Variants in CRYBG1 observed in about 807,000 individuals in gnomAD.
The protein encoded by CRYBG1 is crystallin beta-gamma domain containing 1.
A neutral mutation model predicts 189.2 loss-of-function variants in CRYBG1; 139 were observed. That is an observed-to-expected ratio of 0.73 (90% CI 0.64 to 0.85). CRYBG1 has a LOEUF of 0.85. Ranked by LOEUF, CRYBG1 falls within the 40% of genes least tolerant of loss-of-function variation. The pLI is 0.00. For synonymous variants in CRYBG1, 1,023 were observed against 1,017.1 expected (o/e 1.01, Z -0.11); for missense variants, 2,611 against 2,675.8 (o/e 0.98, Z 0.53).
In CRYBG1 at chr6:106,433,091, G is replaced by A. The variant is rs1338636867; in HGVS notation, c.174-18603G>A. Among the ~76,000 whole-genome samples the A allele has an allele frequency of 3.9e-5, 6 of 151,922 alleles. No homozygotes were observed. In the East Asian group the frequency reaches 9.7e-4, roughly 24 times the overall value. On this transcript the variant is annotated intron_variant, in intron 1 of 21. Transcript: ENST00000633556. ...CCTGACCTCATGATCCACCCTCCTC[G>A]GCCTCCCAAAGTGCTGGGATTACAG...
chr6:106,363,648 G>A (rs1422279567), intron 1 of CRYBG1, among the ~76,000 whole-genome samples: 2 of 152,114 alleles, frequency 1.3e-5, no homozygotes, highest in African/African-American at 2.4e-5. Context: ...ATAAGGAGGG[G>A]ACAGTCAGGT....
chr6:106,456,560 G>A (rs1361062724), intron 2 of CRYBG1, among the ~76,000 whole-genome samples: 4 of 152,144 alleles, frequency 2.6e-5, no homozygotes, highest in African/African-American at 7.2e-5. Flanking sequence ...AATAAGCAGA[G>A]CAATTCAGTT....
In CRYBG1 at chr6:106,512,916, A is replaced by G. The variant is rs1274636522; in HGVS notation, c.1799A>G (p.Glu600Gly). The stretch of plus-strand genomic sequence containing the variant: ...CCCAACCACTTCAACGGCCGGGCAG[A>G]GGGAGGTCGAAGCAGAGAGCTGGGC... ...PLPNHFNGRA[E>G]GGRSRELGRA... Residue 600 changes from glutamate (E) to glycine (G), a missense_variant, in exon 3 of 22, where the codon GAG becomes GGG. Coordinates refer to ENST00000633556, the MANE Select transcript of CRYBG1 (RefSeq NM_001371242.2). 1.1e-5 allele frequency: 17 copies of G among 1,607,080 alleles called. No homozygotes were observed. Among genetic ancestry groups the G allele is most frequent in the Non-Finnish European group, 1.7e-6 (2 of 1,177,106 alleles).
chr6:106,570,450 T>C lies in CRYBG1; in HGVS notation c.*1884T>C, dbSNP rs1775027064. The C allele has an allele frequency of 6.6e-6, 1 of 152,246 alleles. No homozygotes were observed. Among genetic ancestry groups the C allele is most frequent in the Admixed American group, 6.5e-5 (1 of 15,280 alleles). The allele number at this position is 152,246 out of a possible 1,614,324, so 9.4% of individuals were successfully genotyped here. A position where few individuals can be genotyped will look rare whatever the true frequency, so the allele number is the denominator to read the frequency against. On this transcript the variant is annotated 3_prime_UTR_variant, in exon 22 of 22. Coordinates refer to ENST00000633556, the MANE Select transcript of CRYBG1 (RefSeq NM_001371242.2). Reference sequence around the variant, plus strand: ...AAATAAACTTGCTTCTGGTTAACTATGTTGATGAAATCTGAGAGTCCATTC... The same window carrying C: ...AAATAAACTTGCTTCTGGTTAACTACGTTGATGAAATCTGAGAGTCCATTC...
chr6:106,530,443 A>G, intron 8 of CRYBG1, 128 bp downstream of exon 8: 2 of 857,904 alleles, frequency 2.3e-6, no homozygotes, highest in Non-Finnish European at 3.4e-6. Context: ...TGTAAGGTAT[A>G]TTTTTATAAG....
At chr6:106,516,236 CTTCT>C (rs1281721320) in intron 3 of CRYBG1, among the ~76,000 whole-genome samples, 1 of 132,992 alleles carries the variant, frequency 7.5e-6, no homozygotes, top group Non-Finnish European at 1.6e-5. Context: ...TAGGCCCAAG[CTTCT>C]TTTTTTTTTT....
intron 1 of CRYBG1, among the ~76,000 whole-genome samples, chr6:106,425,387 C>T (rs1243692561): frequency 6.6e-6 from 1 of 152,172 alleles, no homozygotes; most frequent in Non-Finnish European, 1.5e-5. Flanking sequence ...ATTTTATGAC[C>T]TCCAAAACCT....
chr6:106,513,940 G>GA (rs1396137782), intron 3 of CRYBG1, among the ~76,000 whole-genome samples: 2 of 152,022 alleles, frequency 1.3e-5, no homozygotes, highest in African/African-American at 2.4e-5. Flanking sequence ...CACTGTGGGG[G>GA]AAAAAAACCC....
intron 1 of CRYBG1, among the ~76,000 whole-genome samples, chr6:106,409,969 A>T (rs1236918799): frequency 6.6e-6 from 1 of 152,224 alleles, no homozygotes; most frequent in Non-Finnish European, 1.5e-5. Context: ...ATGGGCAAAG[A>T]CTTCATGACT....
At chr6:106,513,141 T>A in intron 3 of CRYBG1, 102 bp downstream of exon 3, 1 of 1,361,338 alleles carries the variant, frequency 7.3e-7, no homozygotes, top group Non-Finnish European at 9.8e-7. Context: ...AAACGTCTGG[T>A]CACTGAACTT....
rs1331013119 is a variant in CRYBG1, at chr6:106,568,629, A to G, written c.*63A>G. Reference sequence around the variant, plus strand: ...GCCACCTTATTTCTTAAAAAGGACAATGCTGATGGAAGACCAGACTGGAAA... The same window carrying G: ...GCCACCTTATTTCTTAAAAAGGACAGTGCTGATGGAAGACCAGACTGGAAA... On this transcript the variant is annotated 3_prime_UTR_variant, in exon 22 of 22. Transcript: ENST00000633556. The G allele has an allele frequency of 3.2e-6, 4 of 1,245,882 alleles. No individual in the cohort carries two copies. The highest frequency in any genetic ancestry group is 2.3e-6 in the Non-Finnish European group (2 of 855,840). 77.2% of individuals were successfully genotyped at this position (1,245,882 alleles called of 1,614,324 possible).
At chr6:106,537,076 G>A (rs1242054295) in intron 8 of CRYBG1, among the ~76,000 whole-genome samples, 3 of 152,068 alleles carry the variant, frequency 2.0e-5, no homozygotes, top group Non-Finnish European at 2.9e-5. Context: ...TCATGTTTTC[G>A]GTTTTTTCAC....
intron 1 of CRYBG1, among the ~76,000 whole-genome samples, chr6:106,380,526 C>T (rs892147754): frequency 9.2e-5 from 14 of 152,086 alleles, no homozygotes; most frequent in African/African-American, 3.1e-4. Flanking sequence ...TCTGTGACAA[C>T]CTTTGGAAAT....
intron 2 of CRYBG1, among the ~76,000 whole-genome samples, chr6:106,485,026 T>C (rs1298433265): frequency 1.3e-5 from 2 of 152,158 alleles, no homozygotes; most frequent in African/African-American, 2.4e-5. Flanking sequence ...TTTCTATTTC[T>C]GTGAATGTCA....
At chr6:106,538,915 G>A (rs1028355335) in intron 8 of CRYBG1, among the ~76,000 whole-genome samples, 1 of 151,192 alleles carries the variant, frequency 6.6e-6, no homozygotes, top group African/African-American at 2.4e-5. Context: ...AATTGATTAG[G>A]AACCTGGTTC....
intron 2 of CRYBG1, among the ~76,000 whole-genome samples, chr6:106,453,592 A>C (rs548311338): frequency 5.3e-5 from 8 of 152,376 alleles, no homozygotes; most frequent in African/African-American, 1.7e-4. Context: ...TTCAGTAAGT[A>C]TGCCTTTTAT....
At position 106,543,536 on chromosome 6, in the gene CRYBG1, G is replaced by A. The variant is rs1774188892; in HGVS notation, c.4978G>A (p.Ala1660Thr). Reference protein sequence around the residue: ...FVMEGGETEEATGDDHLPFTS... With the variant: ...FVMEGGETEETTGDDHLPFTS... ...CATGGAGGGAGGTGAAACAGAAGAG[G>A]CGACTGGAGACGATCATTTGCCGTT... Residue 1660 changes from alanine (A) to threonine (T), a missense_variant, in exon 11 of 22, where the codon GCG (alanine) becomes ACG (threonine). Coordinates refer to ENST00000633556, the MANE Select transcript of CRYBG1 (RefSeq NM_001371242.2). The A allele has an allele frequency of 1.9e-6, 3 of 1,614,130 alleles. No homozygotes were observed. Among genetic ancestry groups the A allele is most frequent in the South Asian group, 1.1e-5 (1 of 91,088 alleles).
chr6:106,525,480 CT>C, intron 6 of CRYBG1, 94 bp downstream of exon 6: 1 of 963,614 alleles, frequency 1.0e-6, no homozygotes, highest in Non-Finnish European at 1.7e-6. Flanking sequence ...AAAATTATGG[CT>C]TTAGCAATGA....
intron 2 of CRYBG1, among the ~76,000 whole-genome samples, chr6:106,485,935 TGCAGTG>T (rs1772584333): frequency 6.6e-6 from 1 of 152,230 alleles, no homozygotes; most frequent in Non-Finnish European, 1.5e-5. Flanking sequence ...TTACTTTTTT[TGCAGTG>T]TTTTTGTCTG....
Sources: allele counts gnomAD v4.1 joint callset (sites outside exome capture counted in the v4.1 genomes callset), GRCh38; gene constraint gnomAD v4.1.1; transcripts MANE v1.5; gene names NCBI Gene and HGNC (gene_info 2026-07-23, HGNC 2026-07-21).